FMN1: variants seen among roughly 807,000 people sequenced by gnomAD.
The protein encoded by FMN1 is formin-1.
Under a neutral mutation model 132.4 loss-of-function variants are expected in FMN1, and 110 were observed. The observed-to-expected ratio is 0.83, with a 90% CI of 0.71 to 0.97. The LOEUF is 0.97. Among genes scored for constraint, FMN1 ranks in the 50% least tolerant of loss-of-function variants. FMN1 has a pLI of 0.00. For missense variants in FMN1, 1,792 were observed against 1,705.3 expected, an observed-to-expected ratio of 1.05 and a Z score of -0.90; for synonymous variants, 722 against 651.7, an observed-to-expected ratio of 1.11 and a Z score of -1.64.
intron 5 of FMN1, among the ~76,000 whole-genome samples, chr15:33,080,732 C>G (rs1244725201): frequency 1.3e-5 from 2 of 152,098 alleles, no homozygotes; most frequent in African/African-American, 4.8e-5. Context: ...ACTAGTAATA[C>G]TAAAATTAGC....
intron 8 of FMN1, among the ~76,000 whole-genome samples, 187 bp downstream of exon 8, chr15:32,968,527 A>T (rs1416628718): frequency 6.6e-6 from 1 of 152,158 alleles, no homozygotes; most frequent in Middle Eastern, 3.2e-3. Context: ...TTCAGAGAAT[A>T]CAGAGAGGCC....
chr15:32,966,767 T>C (rs1227892553), intron 8 of FMN1, among the ~76,000 whole-genome samples: 1 of 152,248 alleles, frequency 6.6e-6, no homozygotes, highest in African/African-American at 2.4e-5. Flanking sequence ...GCAATCATTA[T>C]ATAAACTACT....
intron 4 of FMN1, among the ~76,000 whole-genome samples, chr15:33,141,919 C>G (rs910564113): frequency 2.0e-5 from 3 of 152,078 alleles, no homozygotes; most frequent in African/African-American, 7.2e-5. Flanking sequence ...GGGTGTTAGT[C>G]TTGCAAGGGG....
At chr15:33,180,624 C>T (rs887742539) in intron 2 of FMN1, among the ~76,000 whole-genome samples, 11 of 152,076 alleles carry the variant, frequency 7.2e-5, no homozygotes, top group African/African-American at 2.2e-4. Flanking sequence ...TGTAAGCCTG[C>T]GTATGCTCAT....
At chr15:33,114,733 C>T (rs1346489791) in intron 4 of FMN1, among the ~76,000 whole-genome samples, 2 of 147,428 alleles carry the variant, frequency 1.4e-5, no homozygotes. Context: ...TTTCTCATCA[C>T]CTGACAGGTA....
chr15:33,040,332 TGATTG>T (rs2036373466), intron 6 of FMN1, among the ~76,000 whole-genome samples: 1 of 152,190 alleles, frequency 6.6e-6, no homozygotes, highest in Non-Finnish European at 1.5e-5. Flanking sequence ...CTAGAATGTT[TGATTG>T]AACTTATTTG....
intron 4 of FMN1, among the ~76,000 whole-genome samples, chr15:33,124,271 C>G (rs550359990): frequency 6.6e-6 from 1 of 151,352 alleles, no homozygotes; most frequent in Non-Finnish European, 1.5e-5. Context: ...AACACATTGA[C>G]ATTCACTGTA....
chr15:32,964,794 A>G (rs532801948), intron 8 of FMN1, among the ~76,000 whole-genome samples: 186 of 152,358 alleles, frequency 1.2e-3, no homozygotes, highest in Non-Finnish European at 2.2e-3. Flanking sequence ...ATATGTAAAC[A>G]GGCTGTGCCT....
intron 18 of FMN1, 61 bp from the exon 19 acceptor site, chr15:32,799,014 T>G: frequency 6.8e-7 from 1 of 1,462,288 alleles, no homozygotes. Context: ...AACACTAAAA[T>G]CCATTAGAGG....
chr15:32,934,153 C>T (rs1320174133), intron 9 of FMN1, among the ~76,000 whole-genome samples: 2 of 151,962 alleles, frequency 1.3e-5, no homozygotes, highest in African/African-American at 4.8e-5. Context: ...TTTGTTGTTA[C>T]TATGAGACTT....
chr15:33,101,861 A>AT (rs1440830725), intron 4 of FMN1, among the ~76,000 whole-genome samples: 4 of 152,038 alleles, frequency 2.6e-5, no homozygotes, highest in Non-Finnish European at 5.9e-5. Flanking sequence ...CTGAATCCCC[A>AT]TCTATAACCC....
intron 7 of FMN1, among the ~76,000 whole-genome samples, chr15:33,005,097 A>C (rs986488382): frequency 1.3e-5 from 2 of 152,024 alleles, no homozygotes; most frequent in African/African-American, 4.8e-5. Context: ...CTAAATGATG[A>C]GTTAATGAGT....
At chr15:32,908,828 A>G (rs2141653501) in intron 11 of FMN1, among the ~76,000 whole-genome samples, 1 of 152,140 alleles carries the variant, frequency 6.6e-6, no homozygotes, top group East Asian at 1.9e-4. Flanking sequence ...TTGAGATTCA[A>G]TGCAAATGGA....
At chr15:33,041,179 A>C (rs1342917400) in intron 6 of FMN1, among the ~76,000 whole-genome samples, 2 of 152,230 alleles carry the variant, frequency 1.3e-5, no homozygotes, top group East Asian at 3.9e-4. Context: ...GTCATTTCAA[A>C]TATACCAGTA....
intron 20 of FMN1, among the ~76,000 whole-genome samples, chr15:32,775,225 C>T (rs764098608): frequency 3.3e-5 from 5 of 152,174 alleles, no homozygotes; most frequent in South Asian, 2.1e-4. Flanking sequence ...GATGATTTTT[C>T]GACACCCATC....
chr15:33,160,172 C>T (rs189991208), intron 3 of FMN1, among the ~76,000 whole-genome samples: 33 of 152,116 alleles, frequency 2.2e-4, no homozygotes, highest in African/African-American at 6.7e-4. Flanking sequence ...AAACACCATA[C>T]GAAGGGCTTT....
chr15:33,188,168 A>G (rs1965952520), intron 2 of FMN1, among the ~76,000 whole-genome samples: 1 of 75,166 alleles, frequency 1.3e-5, no homozygotes, highest in African/African-American at 4.2e-5. Context: ...CCCTGTCTCT[A>G]CTAAAAATGC....
intron 7 of FMN1, among the ~76,000 whole-genome samples, chr15:32,999,643 T>A (rs1262463814): frequency 6.6e-6 from 1 of 152,212 alleles, no homozygotes; most frequent in African/African-American, 2.4e-5. Flanking sequence ...GAAATATGCA[T>A]GTGATAAATG....
Position 32,951,606 on chromosome 15 carries a change from A to T in FMN1, c.3138+12501T>A, listed in dbSNP as rs544990352. Among the ~76,000 whole-genome samples the T allele has an allele frequency of 7.9e-5, 12 of 152,268 alleles. No homozygotes were observed. In the South Asian group the frequency reaches 2.3e-3, roughly 29 times the overall value. On this transcript the variant is annotated intron_variant, in intron 9 of 20. Coordinates refer to ENST00000616417, the MANE Select transcript of FMN1 (RefSeq NM_001277313.2). ...CACTGGAGGATGTTTCATTATTCTT[A>T]TTCCCAGTTCTCATGGTGGCAATGA... is the stretch of plus-strand genomic sequence containing the variant.
Sources: allele counts gnomAD v4.1 joint callset (sites outside exome capture counted in the v4.1 genomes callset), GRCh38; gene constraint gnomAD v4.1.1; transcripts MANE v1.5; gene names NCBI Gene and HGNC (gene_info 2026-07-23, HGNC 2026-07-21).